RAPGEF6: variants seen among roughly 807,000 people sequenced by gnomAD.
RAPGEF6 encodes PDZ domain containing guanine nucleotide exchange factor (GEF) 2.
Under a neutral mutation model 171.4 loss-of-function variants are expected in RAPGEF6, and 56 were observed. That is an observed-to-expected ratio of 0.33 (90% CI 0.26 to 0.41). RAPGEF6 has a LOEUF of 0.41. Ranked by LOEUF, RAPGEF6 falls within the 10% of genes least tolerant of loss-of-function variation. RAPGEF6 has a pLI of 1.00. For synonymous variants in RAPGEF6, 692 were observed against 650.1 expected (o/e 1.06, Z -0.98); for missense variants, 1,674 against 1,921.4 (o/e 0.87, Z 2.41).
chr5:131,506,916 A>G lies in RAPGEF6; in HGVS notation c.942+1155T>C, dbSNP rs145633914. On this transcript the variant is annotated intron_variant, in intron 9 of 27. Transcript: ENST00000509018. ...TATCCTGTTTAAAAAAATTAATACT[A>G]TATTCATTTGTTCATCAAACTTTTG... Among the ~76,000 whole-genome samples the G allele has an allele frequency of 5.2e-3, 796 of 151,800 alleles. 6 individuals carry two copies. The highest frequency in any genetic ancestry group is 0.018 in the African/African-American group (757 of 41,472).
chr5:131,581,395 C>T (rs1762950471), intron 4 of RAPGEF6, among the ~76,000 whole-genome samples: 1 of 151,900 alleles, frequency 6.6e-6, no homozygotes, highest in African/African-American at 2.4e-5. Context: ...ACCTATCTTC[C>T]TCCTTCTCTT....
At position 131,424,640 on chromosome 5, in the gene RAPGEF6, A is replaced by G. The variant is rs923332765; in HGVS notation, c.*2626T>C. The G allele has an allele frequency of 1.3e-5, 2 of 152,330 alleles. No individual in the cohort carries two copies. Among genetic ancestry groups the G allele is most frequent in the Non-Finnish European group, 2.9e-5 (2 of 68,018 alleles). 9.4% of individuals were successfully genotyped at this position (152,330 alleles called of 1,614,324 possible). A position where few individuals can be genotyped will look rare whatever the true frequency, so the allele number is the denominator to read the frequency against. Reference sequence around the variant, plus strand: ...TTTATCACCCTCAAGAAAATTCACTAAAGGCTTTTTCTCCCCAAAGATCAT... The same window carrying G: ...TTTATCACCCTCAAGAAAATTCACTGAAGGCTTTTTCTCCCCAAAGATCAT... On this transcript the variant is annotated 3_prime_UTR_variant, in exon 28 of 28. Transcript: ENST00000509018.
intron 7 of RAPGEF6, among the ~76,000 whole-genome samples, chr5:131,511,071 T>C (rs1020659287): frequency 3.3e-5 from 5 of 152,200 alleles, no homozygotes; most frequent in African/African-American, 9.6e-5. Flanking sequence ...CTGTAGGATC[T>C]AAAAGTGTGC....
chr5:131,462,085 ATACC>A lies in RAPGEF6; in HGVS notation c.2481-1_2483del. On this transcript the variant is annotated splice_acceptor_variant and coding_sequence_variant, in exon 19 of 28. Coordinates refer to ENST00000509018, the MANE Select transcript of RAPGEF6 (RefSeq NM_016340.6). LOFTEE classifies it high-confidence loss of function. ...CTGTTTCCATGTTATTTTTTAAGTAATACCTAAATGGAAAAATTTTTTTAAATAA... is the reference window on the plus strand; with the variant it reads ...CTGTTTCCATGTTATTTTTTAAGTAATAAATGGAAAAATTTTTTTAAATAA... 2 of 1,510,960 alleles carry A rather than the reference ATACC, an allele frequency of 1.3e-6. No individual in the cohort carries two copies. Among genetic ancestry groups the A allele is most frequent in the Non-Finnish European group, 1.8e-6 (2 of 1,128,770 alleles). 93.6% of individuals were successfully genotyped at this position (1,510,960 alleles called of 1,614,324 possible).
chr5:131,519,231 A>T (rs142564875), intron 7 of RAPGEF6, among the ~76,000 whole-genome samples: 28 of 152,300 alleles, frequency 1.8e-4, no homozygotes, highest in African/African-American at 6.5e-4. Flanking sequence ...ATGCTCCTAT[A>T]GGAGCTCCTG....
At position 131,576,625 on chromosome 5, in the gene RAPGEF6, A is replaced by C. The variant is rs1398159420; in HGVS notation, c.282-14578T>G. 1.1e-4 allele frequency among the ~76,000 whole-genome samples: 16 copies of C among 152,312 alleles called. No individual in the cohort carries two copies. The East Asian group carries it at 3.1e-3, about 29-fold the overall frequency. Reference sequence around the variant, plus strand: ...GCAACGCTTATGCTGACAATGCAGCAAAAGTAGCAGCTAGTATTCTCACAT... The same window carrying C: ...GCAACGCTTATGCTGACAATGCAGCCAAAGTAGCAGCTAGTATTCTCACAT... On this transcript the variant is annotated intron_variant, in intron 4 of 27. Coordinates refer to ENST00000509018, the MANE Select transcript of RAPGEF6 (RefSeq NM_016340.6).
chr5:131,585,810 G>A (rs1215221901), intron 4 of RAPGEF6, among the ~76,000 whole-genome samples: 1 of 152,052 alleles, frequency 6.6e-6, no homozygotes, highest in Admixed American at 6.6e-5. Context: ...TGGGCGGCAA[G>A]AGCGAAACTC....
At chr5:131,431,612 T>TA in intron 25 of RAPGEF6, among the ~76,000 whole-genome samples, 1 of 152,180 alleles carries the variant, frequency 6.6e-6, no homozygotes, top group Admixed American at 6.5e-5. Flanking sequence ...TTTAAAATGT[T>TA]AGATATTTTT....
At chr5:131,546,127 T>G (rs993638654) in intron 6 of RAPGEF6, among the ~76,000 whole-genome samples, 19 of 152,062 alleles carry the variant, frequency 1.2e-4, no homozygotes, top group Admixed American at 4.6e-4. Context: ...CAAAAAAATC[T>G]GGGAAAAGAA....
intron 24 of RAPGEF6, chr5:131,436,434 T>C: frequency 7.3e-7 from 1 of 1,377,180 alleles, no homozygotes; most frequent in Non-Finnish European, 9.7e-7. Context: ...TTAGCCTTGT[T>C]TACATAATAT....
intron 20 of RAPGEF6, among the ~76,000 whole-genome samples, chr5:131,454,703 G>A (rs1172526255): frequency 6.6e-6 from 1 of 152,102 alleles, no homozygotes. Context: ...CCAAACTGAT[G>A]AAAAGTACAA....
chr5:131,456,035 C>T (rs773269765), intron 19 of RAPGEF6, 23 bp from the exon 20 acceptor site: 5 of 1,600,344 alleles, frequency 3.1e-6, no homozygotes, highest in Non-Finnish European at 4.3e-6. Context: ...AGAATAGAAA[C>T]ATTAAAAAGA....
Position 131,570,041 on chromosome 5 carries a change from CAAAAAAAAAAAA to C in RAPGEF6, c.282-8006_282-7995del, listed in dbSNP as rs34729268. On this transcript the variant is annotated intron_variant, in intron 4 of 27. Transcript: ENST00000509018. ...TGCGGAGCAGAGCAAGACTCTGTCT[CAAAAAAAAAAAA>C]AAAAAAAAAAAAAAAAGCCAGAGAC... 4.1e-3 allele frequency among the ~76,000 whole-genome samples: 113 copies of C among 27,492 alleles called. No individual in the cohort carries two copies. The South Asian group carries it at 0.064, about 16-fold the overall frequency. 18.0% of individuals were successfully genotyped at this position (27,492 alleles called of 152,430 possible). A position where few individuals can be genotyped will look rare whatever the true frequency, so the allele number is the denominator to read the frequency against.
In RAPGEF6 at chr5:131,554,583, A is replaced by C. The variant is rs1008535953; in HGVS notation, c.352-6393T>G. On this transcript the variant is annotated intron_variant, in intron 5 of 27. Transcript: ENST00000509018. ...TGCCCAGGCTGGAGTGCAGTGGCAC[A>C]ATCTTGGCTCGCTGCAACCTCCACC... Among the ~76,000 whole-genome samples, 3 of 152,154 alleles carry C rather than the reference A, an allele frequency of 2.0e-5. No homozygotes were observed. In the South Asian group the frequency reaches 6.2e-4, roughly 32 times the overall value.
At chr5:131,627,642 T>C (rs554394040) in intron 1 of RAPGEF6, among the ~76,000 whole-genome samples, 4 of 152,354 alleles carry the variant, frequency 2.6e-5, no homozygotes, top group African/African-American at 9.6e-5. Flanking sequence ...GTGGCTTCTT[T>C]AAGGAATTCT....
intron 6 of RAPGEF6, among the ~76,000 whole-genome samples, chr5:131,541,916 G>C (rs532401076): frequency 1.7e-3 from 258 of 152,258 alleles, no homozygotes; most frequent in African/African-American, 5.6e-3. Flanking sequence ...TCCAAAATCA[G>C]ATTCATCATT....
chr5:131,451,671 C>T (rs754565469), intron 21 of RAPGEF6, among the ~76,000 whole-genome samples: 5 of 152,080 alleles, frequency 3.3e-5, no homozygotes, highest in Admixed American at 6.6e-5. Flanking sequence ...TATTGGGTTA[C>T]GAAAATTCCA....
At chr5:131,546,672 T>C (rs938678598) in intron 6 of RAPGEF6, among the ~76,000 whole-genome samples, 1 of 151,978 alleles carries the variant, frequency 6.6e-6, no homozygotes, top group Non-Finnish European at 1.5e-5. Flanking sequence ...AAGAACTGAA[T>C]AAATTATAGC....
Position 131,499,581 on chromosome 5 carries a change from C to CAAAAAA in RAPGEF6, c.1255-980_1255-975dup, listed in dbSNP as rs375534138. 1.8e-3 allele frequency among the ~76,000 whole-genome samples: 155 copies of CAAAAAA among 87,546 alleles called. 1 individual carries two copies. Among genetic ancestry groups the CAAAAAA allele is most frequent in the African/African-American group, 6.4e-3 (135 of 21,104 alleles). The allele number at this position is 87,546 out of a possible 152,430, so 57.4% of individuals were successfully genotyped here. ...GGGCGACAAGAGCGAGACTTTGTCT[C>CAAAAAA]AAAAAAAAAAAAAAAAAAAAAAGAA... On this transcript the variant is annotated intron_variant, in intron 11 of 27. Transcript: ENST00000509018.
Sources: allele counts gnomAD v4.1 joint callset (sites outside exome capture counted in the v4.1 genomes callset), GRCh38; gene constraint gnomAD v4.1.1; transcripts MANE v1.5; gene names NCBI Gene and HGNC (gene_info 2026-07-23, HGNC 2026-07-21).